NGEF: variants seen among roughly 807,000 people sequenced by gnomAD.
NGEF encodes the protein ephexin-1.
Under a neutral mutation model 80.9 loss-of-function variants are expected in NGEF, and 31 were observed. That is an observed-to-expected ratio of 0.38 (90% CI 0.29 to 0.52). The LOEUF (loss-of-function observed/expected upper bound fraction) is 0.52, where lower values mean the gene tolerates loss of function less well. NGEF is among the 20% of genes least tolerant of loss of function. The probability of loss-of-function intolerance (pLI) is 0.84; values close to 1 mark genes in which losing one functional copy is unlikely to be tolerated. For missense variants in NGEF, 709 were observed against 926.2 expected (o/e 0.77, Z 3.04); for synonymous variants, 371 against 370.2 (o/e 1.00, Z -0.03).
intron 3 of NGEF, among the ~76,000 whole-genome samples, chr2:232,928,647 T>A (rs371776226): frequency 1.3e-5 from 2 of 151,994 alleles, no homozygotes; most frequent in African/African-American, 4.8e-5. Flanking sequence ...AGGGGCTCCT[T>A]GCAAGCCCGC....
intron 1 of NGEF, among the ~76,000 whole-genome samples, chr2:232,978,609 A>G (rs1438545690): frequency 6.6e-6 from 1 of 152,126 alleles, no homozygotes; most frequent in South Asian, 2.1e-4. Context: ...AACCACCACC[A>G]CCACCAAGAT....
intron 1 of NGEF, among the ~76,000 whole-genome samples, chr2:232,988,077 G>A (rs1480672292): frequency 6.6e-6 from 1 of 151,224 alleles, no homozygotes; most frequent in Non-Finnish European, 1.5e-5. Flanking sequence ...GTGTGTGTGT[G>A]TGTGTGAGTG....
chr2:232,890,201 GCC>G (rs1334893830), intron 8 of NGEF, among the ~76,000 whole-genome samples: 1 of 102,860 alleles, frequency 9.7e-6, no homozygotes, highest in Non-Finnish European at 2.5e-5. Flanking sequence ...TCTCTGTCCT[GCC>G]TCACTGGGCC....
intron 2 of NGEF, among the ~76,000 whole-genome samples, chr2:232,971,180 C>T (rs750884235): frequency 7.2e-5 from 11 of 152,184 alleles, no homozygotes; most frequent in Non-Finnish European, 1.2e-4. Context: ...AATCACACAT[C>T]GTGACTCCAG....
At chr2:232,981,038 C>T (rs969685172) in intron 1 of NGEF, among the ~76,000 whole-genome samples, 4 of 151,602 alleles carry the variant, frequency 2.6e-5, no homozygotes, top group South Asian at 2.1e-4. Context: ...TGCCATCTCT[C>T]GCTATCGTCT....
chr2:232,932,892 T>A (rs1693246070), intron 3 of NGEF, among the ~76,000 whole-genome samples: 1 of 151,706 alleles, frequency 6.6e-6, no homozygotes, highest in Non-Finnish European at 1.5e-5. Flanking sequence ...TCACCTGAGG[T>A]CAGGAGTTCG....
intron 6 of NGEF, 136 bp from the exon 7 acceptor site, chr2:232,893,186 T>A (rs1177247559): frequency 1.5e-5 from 12 of 818,754 alleles, no homozygotes; most frequent in Non-Finnish European, 3.7e-6. Context: ...GCCGACAAGA[T>A]CCATCGGCAG....
chr2:232,928,111 C>T, intron 3 of NGEF: 1 of 1,037,042 alleles, frequency 9.6e-7, no homozygotes, highest in African/African-American at 1.7e-5. Context: ...GCGCGCGGCT[C>T]GACCGGAGCT....
intron 9 of NGEF, among the ~76,000 whole-genome samples, chr2:232,887,006 CAGG>C (rs2106220368): frequency 6.6e-6 from 1 of 152,352 alleles, no homozygotes; most frequent in South Asian, 2.1e-4. Context: ...GGGAAAGGGA[CAGG>C]AGGAGTGGCC....
chr2:232,990,440 T>A lies in NGEF; in HGVS notation c.-74-15476A>T, dbSNP rs143595176. Among the ~76,000 whole-genome samples the A allele has an allele frequency of 5.5e-3, 832 of 152,214 alleles. 7 individuals carry two copies. Among genetic ancestry groups the A allele is most frequent in the African/African-American group, 0.019 (791 of 41,558 alleles). ...AATATTAAAAATATATCAGTTAATA[T>A]TTAATACAAGTTAATATTTATAGTT... On this transcript the variant is annotated intron_variant, in intron 1 of 14. Coordinates refer to ENST00000264051, the MANE Select transcript of NGEF (RefSeq NM_019850.3).
At chr2:232,947,611 C>T (rs1312275225) in intron 3 of NGEF, among the ~76,000 whole-genome samples, 2 of 152,212 alleles carry the variant, frequency 1.3e-5, no homozygotes, top group East Asian at 1.9e-4. Flanking sequence ...GTCTGCTTCG[C>T]CTTCTGCCAT....
intron 9 of NGEF, among the ~76,000 whole-genome samples, chr2:232,887,131 T>A (rs1378525084): frequency 6.6e-6 from 1 of 152,188 alleles, no homozygotes; most frequent in African/African-American, 2.4e-5. Flanking sequence ...GCTTCTGCCA[T>A]GGGGTGACAA....
intron 3 of NGEF, among the ~76,000 whole-genome samples, chr2:232,931,066 T>TA (rs904259816): frequency 2.0e-5 from 3 of 151,458 alleles, no homozygotes; most frequent in African/African-American, 7.3e-5. Context: ...AGGCAGAGGA[T>TA]AAAAAATCCC....
At chr2:232,928,925 C>A (rs957219387) in intron 3 of NGEF, among the ~76,000 whole-genome samples, 2 of 152,142 alleles carry the variant, frequency 1.3e-5, no homozygotes, top group Non-Finnish European at 2.9e-5. Context: ...AAGAGCGAGG[C>A]CTGGAGGTGC....
intron 1 of NGEF, among the ~76,000 whole-genome samples, chr2:233,007,496 T>C (rs980475485): frequency 9.2e-5 from 14 of 152,122 alleles, no homozygotes; most frequent in African/African-American, 3.1e-4. Flanking sequence ...TGGTGCCTAG[T>C]GAAGGCTGAG....
intron 3 of NGEF, among the ~76,000 whole-genome samples, chr2:232,942,279 T>C (rs1574626128): frequency 6.6e-6 from 1 of 152,206 alleles, no homozygotes; most frequent in African/African-American, 2.4e-5. Context: ...CTCTGTCCTG[T>C]TGGACTGGGC....
At chr2:232,958,309 C>T (rs929985197) in intron 3 of NGEF, among the ~76,000 whole-genome samples, 5 of 152,102 alleles carry the variant, frequency 3.3e-5, no homozygotes, top group East Asian at 3.9e-4. Flanking sequence ...TAGAGCTGCA[C>T]GGAGTGTTCA....
At chr2:232,899,839 TTCAC>T (rs1435681039) in intron 5 of NGEF, among the ~76,000 whole-genome samples, 9 of 113,560 alleles carry the variant, frequency 7.9e-5, no homozygotes, top group East Asian at 3.0e-4. Flanking sequence ...TTCACTCACA[TTCAC>T]TCACACACAC....
chr2:233,001,542 A>G (rs1202661101), intron 1 of NGEF, among the ~76,000 whole-genome samples: 2 of 152,148 alleles, frequency 1.3e-5, no homozygotes, highest in East Asian at 1.9e-4. Context: ...GAGAGTGGGA[A>G]TAGCCAGCGA....
Sources: gnomAD v4.1 joint callset for allele counts (sites outside exome capture counted in the v4.1 genomes callset) on GRCh38, gnomAD v4.1.1 for gene constraint, MANE v1.5 for transcripts, NCBI Gene and HGNC (gene_info 2026-07-23, HGNC 2026-07-21) for gene names.